Variants in GABRB1 observed in about 807,000 individuals in gnomAD.
GABRB1 encodes gamma-aminobutyric acid type A receptor subunit beta1.
Under a neutral mutation model 51.6 loss-of-function variants are expected in GABRB1, and 17 were observed. The ratio of observed to expected loss-of-function variants is 0.33; its 90% CI spans 0.23 to 0.49. GABRB1 has a LOEUF of 0.49. GABRB1 is among the 20% of genes least tolerant of loss of function. The probability of loss-of-function intolerance (pLI) is 0.99; values close to 1 mark genes in which losing one functional copy is unlikely to be tolerated. For synonymous variants in GABRB1, 247 were observed against 218.9 expected (o/e 1.13, Z -1.14); for missense variants, 410 against 600.6 (o/e 0.68, Z 3.32).
chr4:47,322,699 G>A (rs1173016384), intron 5 of GABRB1, among the ~76,000 whole-genome samples: 3 of 152,066 alleles, frequency 2.0e-5, no homozygotes, highest in Admixed American at 6.6e-5. Context: ...GGTTTGTCAC[G>A]GCGGCTCACA....
intron 4 of GABRB1, among the ~76,000 whole-genome samples, chr4:47,270,871 A>G (rs1406599362): frequency 6.6e-6 from 1 of 152,218 alleles, no homozygotes; most frequent in Admixed American, 6.5e-5. Context: ...ATAGCATACG[A>G]ACACAAATTA....
chr4:47,401,122 A>G (rs1424634806), intron 5 of GABRB1, among the ~76,000 whole-genome samples: 4 of 152,120 alleles, frequency 2.6e-5, no homozygotes, highest in East Asian at 3.9e-4. Flanking sequence ...TTGACTCCAT[A>G]TCTTTGCAAT....
intron 3 of GABRB1, among the ~76,000 whole-genome samples, chr4:47,054,177 A>G (rs1237427402): frequency 6.6e-6 from 1 of 151,912 alleles, no homozygotes; most frequent in Admixed American, 6.6e-5. Context: ...ATATCTGCAT[A>G]TAAAAGGCTC....
intron 4 of GABRB1, among the ~76,000 whole-genome samples, chr4:47,251,489 G>A (rs539650636): frequency 6.6e-6 from 1 of 152,236 alleles, no homozygotes; most frequent in African/African-American, 2.4e-5. Context: ...AACTGGAGGT[G>A]GGTGGGGCCC....
At chr4:47,365,934 CTT>C (rs1357717595) in intron 5 of GABRB1, among the ~76,000 whole-genome samples, 2 of 152,324 alleles carry the variant, frequency 1.3e-5, no homozygotes, top group East Asian at 3.9e-4. Flanking sequence ...GTTGCTTTCT[CTT>C]AGCCCAGTCC....
At chr4:47,300,020 C>G (rs1042952295) in intron 4 of GABRB1, among the ~76,000 whole-genome samples, 10 of 142,776 alleles carry the variant, frequency 7.0e-5, no homozygotes, top group African/African-American at 2.6e-4. Context: ...TGTTCTCACT[C>G]ATAGGTGGGA....
intron 3 of GABRB1, 75 bp from the exon 4 acceptor site, chr4:47,161,174 T>C: frequency 2.0e-6 from 2 of 979,100 alleles, no homozygotes; most frequent in Non-Finnish European, 3.1e-6. Flanking sequence ...TTACAGGACA[T>C]CCTACATGTT....
chr4:47,296,490 C>T (rs1313997745), intron 4 of GABRB1, among the ~76,000 whole-genome samples: 1 of 152,008 alleles, frequency 6.6e-6, no homozygotes, highest in African/African-American at 2.4e-5. Context: ...TTTAAACCAA[C>T]AAAGATCAAA....
intron 4 of GABRB1, among the ~76,000 whole-genome samples, chr4:47,300,156 G>A (rs1724199635): frequency 6.6e-6 from 1 of 151,458 alleles, no homozygotes; most frequent in South Asian, 2.1e-4. Flanking sequence ...CAAGTTAATG[G>A]GTGCGGCACA....
At chr4:47,066,494 T>G (rs753029344) in intron 3 of GABRB1, among the ~76,000 whole-genome samples, 2 of 152,252 alleles carry the variant, frequency 1.3e-5, no homozygotes, top group Non-Finnish European at 2.9e-5. Flanking sequence ...CAAACCCTAC[T>G]GCTTCTTTAT....
At chr4:47,002,329 T>G (rs1010663379) in intron 1 of GABRB1, among the ~76,000 whole-genome samples, 3 of 152,220 alleles carry the variant, frequency 2.0e-5, no homozygotes. Flanking sequence ...GAAACAAAGA[T>G]GCAGAATGTG....
intron 3 of GABRB1, among the ~76,000 whole-genome samples, chr4:47,060,551 G>C (rs1726804034): frequency 6.6e-6 from 1 of 152,066 alleles, no homozygotes; most frequent in African/African-American, 2.4e-5. Context: ...TATAAAGATA[G>C]TTTGCAGTAT....
intron 4 of GABRB1, among the ~76,000 whole-genome samples, chr4:47,271,382 T>A (rs963869113): frequency 6.6e-6 from 1 of 152,134 alleles, no homozygotes; most frequent in Non-Finnish European, 1.5e-5. Flanking sequence ...AAGACTGACA[T>A]CATGAGAACC....
intron 4 of GABRB1, among the ~76,000 whole-genome samples, chr4:47,218,451 C>T (rs889328559): frequency 6.6e-6 from 1 of 151,778 alleles, no homozygotes; most frequent in African/African-American, 2.4e-5. Context: ...TACATTTTCA[C>T]CTGGTACATG....
At chr4:47,005,456 G>C (rs1724360392) in intron 1 of GABRB1, among the ~76,000 whole-genome samples, 3 of 151,892 alleles carry the variant, frequency 2.0e-5, no homozygotes, top group Non-Finnish European at 4.4e-5. Flanking sequence ...TTCTTGGTGA[G>C]GAAGTGACCA....
At chr4:47,414,296 A>T (rs1320413266) in intron 8 of GABRB1, among the ~76,000 whole-genome samples, 1 of 152,224 alleles carries the variant, frequency 6.6e-6, no homozygotes, top group Admixed American at 6.5e-5. Context: ...GTCAGAGCAC[A>T]GTTTTGCTTT....
intron 3 of GABRB1, among the ~76,000 whole-genome samples, chr4:47,094,802 A>G (rs941383199): frequency 6.6e-6 from 1 of 152,126 alleles, no homozygotes; most frequent in Non-Finnish European, 1.5e-5. Flanking sequence ...TTTACTGTTT[A>G]ATTAATAGTA....
At chr4:47,243,199 T>C (rs765394294) in intron 4 of GABRB1, among the ~76,000 whole-genome samples, 13 of 152,158 alleles carry the variant, frequency 8.5e-5, no homozygotes, top group Non-Finnish European at 1.5e-4. Flanking sequence ...TGGTTGTAGA[T>C]GTGTGGTATT....
chr4:47,244,453 G>T (rs779841206), intron 4 of GABRB1, among the ~76,000 whole-genome samples: 2 of 152,194 alleles, frequency 1.3e-5, no homozygotes, highest in Non-Finnish European at 2.9e-5. Flanking sequence ...GTTTCAGACA[G>T]AATGGTACCA....
Sources: allele counts gnomAD v4.1 joint callset (sites outside exome capture counted in the v4.1 genomes callset), GRCh38; gene constraint gnomAD v4.1.1; transcripts MANE v1.5; gene names NCBI Gene and HGNC (gene_info 2026-07-23, HGNC 2026-07-21).